Variants in NCK2 observed in about 807,000 individuals in gnomAD.
The protein encoded by NCK2 is NCK adaptor protein 2, also known as cytoplasmic protein NCK2.
Under a neutral mutation model 33.9 loss-of-function variants are expected in NCK2, and 16 were observed. The observed-to-expected ratio is 0.47, with a 90% confidence interval of 0.32 to 0.72. The LOEUF is 0.72. Among genes scored for constraint, NCK2 ranks in the 30% least tolerant of loss-of-function variants. NCK2 has a pLI of 0.03. For missense variants in NCK2, 418 were observed against 537.3 expected, an observed-to-expected ratio of 0.78 and a Z score of 2.19; for synonymous variants, 273 against 239.9, an observed-to-expected ratio of 1.14 and a Z score of -1.27.
chr2:105,823,730 G>C (rs1675836505), intron 2 of NCK2, among the ~76,000 whole-genome samples: 1 of 152,030 alleles, frequency 6.6e-6, no homozygotes, highest in South Asian at 2.1e-4. Context: ...GGCAGGCCTT[G>C]TATCTCCCTG....
intron 2 of NCK2, among the ~76,000 whole-genome samples, chr2:105,850,669 A>T (rs1325546906): frequency 6.6e-6 from 1 of 152,230 alleles, no homozygotes; most frequent in African/African-American, 2.4e-5. Context: ...AGAGAAAAAC[A>T]TGCGTTGTTC....
At chr2:105,794,294 C>T (rs949708350) in intron 1 of NCK2, among the ~76,000 whole-genome samples, 44 of 152,036 alleles carry the variant, frequency 2.9e-4, no homozygotes, top group East Asian at 1.9e-4. Context: ...GCAAGTGATC[C>T]GCCCGCCTCA....
At chr2:105,782,390 CA>C (rs1690529482) in intron 1 of NCK2, among the ~76,000 whole-genome samples, 1 of 152,216 alleles carries the variant, frequency 6.6e-6, no homozygotes, top group Admixed American at 6.5e-5. Flanking sequence ...ACTCTCTCCA[CA>C]GCAGGTGTCA....
chr2:105,855,034 T>C lies in NCK2; in HGVS notation c.-16-14T>C, dbSNP rs772957707. On this transcript the variant is annotated splice_polypyrimidine_tract_variant and intron_variant, in intron 2 of 4. Transcript: ENST00000233154. ...TAGTTCTCTAATGAGCATCTCCAAA[T>C]GTTTTGCTGGCAGAAGGACTCCATG... is the stretch of plus-strand genomic sequence containing the variant. The C allele has an allele frequency of 6.3e-7, 1 of 1,596,062 alleles. No individual in the cohort carries two copies. The highest frequency in any genetic ancestry group is 1.7e-5 in the Admixed American group (1 of 59,970).
intron 2 of NCK2, among the ~76,000 whole-genome samples, chr2:105,848,060 T>C (rs1676920303): frequency 6.6e-6 from 1 of 152,202 alleles, no homozygotes; most frequent in Non-Finnish European, 1.5e-5. Context: ...CGTTTTTGAG[T>C]CCCCGTGAAC....
intron 2 of NCK2, among the ~76,000 whole-genome samples, chr2:105,825,744 G>A (rs918582856): frequency 6.6e-6 from 1 of 152,208 alleles, no homozygotes; most frequent in African/African-American, 2.4e-5. Context: ...AGAGGGATGG[G>A]AAATGTTTGT....
chr2:105,856,704 C>T (rs572439879), intron 3 of NCK2: 9 of 152,278 alleles, frequency 5.9e-5, no homozygotes, highest in African/African-American at 2.2e-4. Context: ...CATGGAACTT[C>T]GTATGAATCA....
chr2:105,847,609 G>A (rs1180655310), intron 2 of NCK2, among the ~76,000 whole-genome samples: 2 of 152,014 alleles, frequency 1.3e-5, no homozygotes, highest in African/African-American at 2.4e-5. Context: ...GGGCTCCCAG[G>A]GTGGGAGAGG....
intron 1 of NCK2, among the ~76,000 whole-genome samples, chr2:105,773,630 A>G (rs1690207227): frequency 1.3e-5 from 2 of 152,102 alleles, no homozygotes; most frequent in Non-Finnish European, 2.9e-5. Context: ...CATTTCTTAT[A>G]TGCTAGAGCA....
At chr2:105,836,277 A>C (rs1390466468) in intron 2 of NCK2, among the ~76,000 whole-genome samples, 1 of 151,540 alleles carries the variant, frequency 6.6e-6, no homozygotes, top group Non-Finnish European at 1.5e-5. Context: ...TAGGGAACAG[A>C]GTTTTTTGTA....
chr2:105,801,667 G>C (rs1392951874), intron 1 of NCK2, among the ~76,000 whole-genome samples: 1 of 151,886 alleles, frequency 6.6e-6, no homozygotes, highest in Admixed American at 6.6e-5. Context: ...AGCAGCCTCG[G>C]GATTGTTCTT....
At chr2:105,795,166 A>G (rs1011364770) in intron 1 of NCK2, among the ~76,000 whole-genome samples, 2 of 152,224 alleles carry the variant, frequency 1.3e-5, no homozygotes, top group South Asian at 2.1e-4. Context: ...ACAAAAACCA[A>G]TCACCCAAAG....
chr2:105,747,494 C>A (rs927438103), intron 1 of NCK2, among the ~76,000 whole-genome samples: 1 of 152,126 alleles, frequency 6.6e-6, no homozygotes, highest in Non-Finnish European at 1.5e-5. Context: ...ACTGGCTTGC[C>A]GTGTGCACTG....
chr2:105,759,075 T>C (rs1404374160), intron 1 of NCK2, among the ~76,000 whole-genome samples: 7 of 152,226 alleles, frequency 4.6e-5, no homozygotes, highest in African/African-American at 1.7e-4. Context: ...TTGAATGAAC[T>C]TAATTTGCAA....
At chr2:105,883,717 T>G (rs1463406984) in intron 4 of NCK2, among the ~76,000 whole-genome samples, 1 of 152,236 alleles carries the variant, frequency 6.6e-6, no homozygotes, top group Non-Finnish European at 1.5e-5. Flanking sequence ...ATCTCAGAAC[T>G]CTGCACCCCA....
intron 2 of NCK2, among the ~76,000 whole-genome samples, chr2:105,831,330 T>C (rs897561111): frequency 1.3e-5 from 2 of 151,650 alleles, no homozygotes; most frequent in Non-Finnish European, 2.9e-5. Context: ...CAAAGCAATA[T>C]TGAGCAAAAA....
chr2:105,839,811 G>C (rs1030106234), intron 2 of NCK2, among the ~76,000 whole-genome samples: 1 of 152,160 alleles, frequency 6.6e-6, no homozygotes, highest in Non-Finnish European at 1.5e-5. Flanking sequence ...GCTCCTAGAC[G>C]GCCTGGCTAC....
chr2:105,869,630 G>A (rs571161029), intron 3 of NCK2, among the ~76,000 whole-genome samples: 3 of 152,260 alleles, frequency 2.0e-5, no homozygotes, highest in Admixed American at 2.0e-4. Flanking sequence ...TCCTGAGCAG[G>A]TGTGGTCCTG....
At chr2:105,788,557 C>T (rs1690762505) in intron 1 of NCK2, among the ~76,000 whole-genome samples, 1 of 152,076 alleles carries the variant, frequency 6.6e-6, no homozygotes, top group African/African-American at 2.4e-5. Flanking sequence ...TTTAACATAT[C>T]TATAGTTGTA....
Sources: allele counts gnomAD v4.1 joint callset (sites outside exome capture counted in the v4.1 genomes callset), GRCh38; gene constraint gnomAD v4.1.1; transcripts MANE v1.5; gene names NCBI Gene and HGNC (gene_info 2026-07-23, HGNC 2026-07-21).